PRDM16: variants seen among roughly 807,000 people sequenced by gnomAD.
The protein encoded by PRDM16 is PR/SET domain 16.
A neutral mutation model predicts 110.6 loss-of-function variants in PRDM16; 23 were observed. That is an observed-to-expected ratio of 0.21 (90% CI 0.15 to 0.29). The LOEUF (loss-of-function observed/expected upper bound fraction) is 0.29. Among genes scored for constraint, PRDM16 ranks in the 10% least tolerant of loss-of-function variants. PRDM16 has a pLI of 1.00. For synonymous variants in PRDM16, 799 were observed against 781.8 expected, an observed-to-expected ratio of 1.02 and a Z score of -0.37; for missense variants, 1,615 against 1,794.3, an observed-to-expected ratio of 0.90 and a Z score of 1.81.
intron 1 of PRDM16, among the ~76,000 whole-genome samples, chr1:3,091,006 TTC>T (rs58914207): frequency 0.071 from 10,836 of 152,206 alleles, 518 homozygotes; most frequent in East Asian, 0.18. Flanking sequence ...AAAGTCACGT[TTC>T]TCCCCGCAAG....
At chr1:3,432,207 C>T (rs1638788197) in intron 16 of PRDM16, 67 bp downstream of exon 16, 3 of 1,455,514 alleles carry the variant, frequency 2.1e-6, no homozygotes, top group East Asian at 2.3e-5. Context: ...AGCCAGCACT[C>T]CTCTCCCGCC....
chr1:3,391,088 G>A (rs1284181757), intron 4 of PRDM16, among the ~76,000 whole-genome samples: 6 of 152,120 alleles, frequency 3.9e-5, no homozygotes, highest in African/African-American at 1.4e-4. Context: ...TGCCCGCCTC[G>A]GCCTCCAGAA....
chr1:3,244,755 CAT>C lies in PRDM16; in HGVS notation c.438+619_438+620del, dbSNP rs1229767488. 6.6e-6 allele frequency among the ~76,000 whole-genome samples: 1 copy of C among 152,088 alleles called. No individual in the cohort carries two copies. The highest frequency in any genetic ancestry group is 2.4e-5 in the African/African-American group (1 of 41,398). On this transcript the variant is annotated intron_variant, in intron 3 of 16. Coordinates refer to ENST00000270722, the MANE Select transcript of PRDM16 (RefSeq NM_022114.4). The surrounding 1 kb of genome is among the most constrained non-coding windows in gnomAD (Gnocchi z 4.1). The stretch of plus-strand genomic sequence containing the variant: ...CCCTGGGGAGGCACACACATAGTCA[CAT>C]GTGTGCCTGGGTGTGCACACTGCAG...
At chr1:3,198,579 G>A (rs1171928044) in intron 2 of PRDM16, among the ~76,000 whole-genome samples, 3 of 152,184 alleles carry the variant, frequency 2.0e-5, no homozygotes, top group Non-Finnish European at 4.4e-5. Flanking sequence ...GCTTTCCAGG[G>A]AGCTGGCTTG....
At position 3,434,489 on chromosome 1, in the gene PRDM16, G is replaced by T. The variant is rs941645814; in HGVS notation, c.*678G>T. On this transcript the variant is annotated 3_prime_UTR_variant, in exon 17 of 17. Transcript: ENST00000270722. ...TCTATCTCTGTCCCTATTTGTATAAGCCAAGGTGATGCTGGGTGCCCCGAG... is the reference window on the plus strand; with the variant it reads ...TCTATCTCTGTCCCTATTTGTATAATCCAAGGTGATGCTGGGTGCCCCGAG... The T allele has an allele frequency of 4.3e-6, 1 of 231,552 alleles. No homozygotes were observed. The highest frequency in any genetic ancestry group is 2.2e-5 in the African/African-American group (1 of 45,218). 14.3% of individuals were successfully genotyped at this position (231,552 alleles called of 1,614,324 possible). A position where few individuals can be genotyped will look rare whatever the true frequency, so the allele number is the denominator to read the frequency against.
chr1:3,305,010 C>T (rs1438673225), intron 3 of PRDM16, among the ~76,000 whole-genome samples: 1 of 152,176 alleles, frequency 6.6e-6, no homozygotes, highest in African/African-American at 2.4e-5. Flanking sequence ...GCACTTCTGA[C>T]CAATCGAGTG....
intron 8 of PRDM16, among the ~76,000 whole-genome samples, chr1:3,408,779 G>A (rs1282755462): frequency 7.1e-6 from 1 of 139,982 alleles, no homozygotes; most frequent in Admixed American, 7.1e-5. Context: ...CATGAGTGTG[G>A]GCGCGTGAGC....
chr1:3,194,202 GGGCTA>G (rs1638395895), intron 2 of PRDM16, among the ~76,000 whole-genome samples: 1 of 152,202 alleles, frequency 6.6e-6, no homozygotes, highest in African/African-American at 2.4e-5. Context: ...GCACACTGGG[GGGCTA>G]TTTAGGATGG....
chr1:3,145,899 G>C (rs116601578), intron 1 of PRDM16, among the ~76,000 whole-genome samples: 3,306 of 152,250 alleles, frequency 0.022, 112 homozygotes, highest in African/African-American at 0.075. Context: ...CGGTCAGCCC[G>C]GGGTCAGGCT....
chr1:3,128,385 T>C (rs1643255821), intron 1 of PRDM16, among the ~76,000 whole-genome samples: 1 of 152,102 alleles, frequency 6.6e-6, no homozygotes, highest in Non-Finnish European at 1.5e-5. Context: ...TATTCGGGGG[T>C]TGCTTCTGTC....
At position 3,412,247 on chromosome 1, in the gene PRDM16, A is replaced by G; in HGVS notation, c.2050A>G (p.Thr684Ala). 6.2e-7 allele frequency: 1 copy of G among 1,610,848 alleles called. No homozygotes were observed. Among genetic ancestry groups the G allele is most frequent in the Non-Finnish European group, 8.5e-7 (1 of 1,177,958 alleles). Residue 684 changes from threonine (T) to alanine (A), a missense_variant, in exon 9 of 17, where the codon ACT becomes GCT. Coordinates refer to ENST00000270722, the MANE Select transcript of PRDM16 (RefSeq NM_022114.4). ...FFPPPDEQLL[T>A]ATGAAGDSIK... Reference sequence around the variant, plus strand: ...CCCGCCACCCGACGAGCAGCTGCTGACTGCAACGGGCGCCGCCGGGGACTC... The same window carrying G: ...CCCGCCACCCGACGAGCAGCTGCTGGCTGCAACGGGCGCCGCCGGGGACTC...
intron 2 of PRDM16, among the ~76,000 whole-genome samples, chr1:3,221,309 G>A (rs1445940137): frequency 6.6e-6 from 1 of 152,226 alleles, no homozygotes; most frequent in Non-Finnish European, 1.5e-5. Flanking sequence ...CCTGCTGTGT[G>A]GCCTTAAAGT....
intron 2 of PRDM16, among the ~76,000 whole-genome samples, chr1:3,199,009 A>G (rs1569828900): frequency 1.3e-5 from 2 of 152,288 alleles, no homozygotes; most frequent in Middle Eastern, 3.4e-3. Context: ...ACCCTCACCC[A>G]GAACAAAGTC....
intron 3 of PRDM16, among the ~76,000 whole-genome samples, chr1:3,252,680 G>A (rs1387744068): frequency 1.3e-5 from 2 of 152,054 alleles, no homozygotes; most frequent in Non-Finnish European, 2.9e-5. Flanking sequence ...CTAGCATCCC[G>A]GGCTCGTGTT....
intron 3 of PRDM16, among the ~76,000 whole-genome samples, chr1:3,303,739 G>A (rs961594797): frequency 2.6e-5 from 4 of 152,244 alleles, no homozygotes; most frequent in Admixed American, 6.5e-5. Context: ...CTTTCGGACC[G>A]CAGCCATCCT....
intron 3 of PRDM16, among the ~76,000 whole-genome samples, chr1:3,277,728 C>T (rs528994309): frequency 1.5e-4 from 22 of 150,774 alleles, no homozygotes; most frequent in South Asian, 4.2e-4. Flanking sequence ...CACACACACA[C>T]GCGCGCACAC....
intron 1 of PRDM16, among the ~76,000 whole-genome samples, chr1:3,108,128 G>GA (rs1303692709): frequency 6.6e-6 from 1 of 152,260 alleles, no homozygotes; most frequent in Non-Finnish European, 1.5e-5. Context: ...CACAGAGTGT[G>GA]AAATCTTACA....
chr1:3,176,161 A>ATCCATCCATCCG (rs1644085215), intron 1 of PRDM16, among the ~76,000 whole-genome samples: 1 of 93,638 alleles, frequency 1.1e-5, no homozygotes, highest in Non-Finnish European at 2.4e-5. Flanking sequence ...CTATCCATCC[A>ATCCATCCATCCG]TCCATCCATC....
rs1491538282 is a variant in PRDM16, at chr1:3,146,505, AAG to A, written c.38-39619_38-39618del. 1.5e-4 allele frequency among the ~76,000 whole-genome samples: 21 copies of A among 137,536 alleles called. 2 individuals are homozygous for A. The highest frequency in any genetic ancestry group is 4.6e-4 in the South Asian group (2 of 4,306). 90.2% of individuals were successfully genotyped at this position (137,536 alleles called of 152,430 possible). A position where few individuals can be genotyped will look rare whatever the true frequency, so the allele number is the denominator to read the frequency against. On this transcript the variant is annotated intron_variant, in intron 1 of 16. Transcript: ENST00000270722. ...GCTTGGTTGGGGTGTATATGTGTGC[AAG>A]TGTGTGTGCTCGGTGTGGGGTGTGT...
Sources: allele counts gnomAD v4.1 joint callset (sites outside exome capture counted in the v4.1 genomes callset), GRCh38; gene constraint gnomAD v4.1.1; non-coding constraint Gnocchi (gnomAD v3.1); transcripts MANE v1.5; gene names NCBI Gene and HGNC (gene_info 2026-07-23, HGNC 2026-07-21).